TRAF3IP1: variants seen among roughly 807,000 people sequenced by gnomAD.
TRAF3IP1 encodes TRAF3-interacting protein 1.
TRAF3IP1 carries 53 observed loss-of-function variants against 89.9 expected under a neutral mutation model. The observed-to-expected ratio is 0.59, with a 90% CI of 0.47 to 0.74. The LOEUF is 0.74. TRAF3IP1 is among the 30% of genes least tolerant of loss of function. The pLI is 0.00. For synonymous variants in TRAF3IP1, 311 were observed against 322.1 expected (o/e 0.97, Z 0.37); for missense variants, 806 against 866.1 (o/e 0.93, Z 0.87).
chr2:238,348,197 A>T (rs1005255012), intron 10 of TRAF3IP1, among the ~76,000 whole-genome samples: 2 of 152,058 alleles, frequency 1.3e-5, no homozygotes, highest in East Asian at 3.8e-4. Flanking sequence ...AGAAAAATTT[A>T]AAAATGCAAA....
chr2:238,369,793 C>G (rs933666081), intron 15 of TRAF3IP1, among the ~76,000 whole-genome samples: 2 of 152,138 alleles, frequency 1.3e-5, no homozygotes, highest in African/African-American at 4.8e-5. Context: ...TTTGTACAAT[C>G]GAAGTACCCT....
At position 238,320,621 on chromosome 2, in the gene TRAF3IP1, C is replaced by T; in HGVS notation, c.-42C>T. On this transcript the variant is annotated 5_prime_UTR_variant, in exon 1 of 17. Coordinates refer to ENST00000373327, the MANE Select transcript of TRAF3IP1 (RefSeq NM_015650.4). ...GACCCGGGCTTAGGCTCGGCCAGGC[C>T]GGCTGAGGGGCGCGGGCGGCCAGCG... 1.6e-6 allele frequency: 2 copies of T among 1,251,020 alleles called. No individual in the cohort carries two copies. Among genetic ancestry groups the T allele is most frequent in the Non-Finnish European group, 1.0e-6 (1 of 980,614 alleles). 77.5% of individuals were successfully genotyped at this position (1,251,020 alleles called of 1,614,324 possible).
In TRAF3IP1 at chr2:238,393,692, C is replaced by T. The variant is rs998667798; in HGVS notation, c.1690-3767C>T. 1.1e-4 allele frequency among the ~76,000 whole-genome samples: 16 copies of T among 152,146 alleles called. No homozygotes were observed. The East Asian group carries it at 1.5e-3, about 15-fold the overall frequency. On this transcript the variant is annotated intron_variant, in intron 15 of 16. Coordinates refer to ENST00000373327, the MANE Select transcript of TRAF3IP1 (RefSeq NM_015650.4). Reference sequence around the variant, plus strand: ...TGTTTAAGATATGAGATTAGGTCAACGTTTTGTTTGTTTTTTGGCTTATGG... The same window carrying T: ...TGTTTAAGATATGAGATTAGGTCAATGTTTTGTTTGTTTTTTGGCTTATGG...
intron 3 of TRAF3IP1, among the ~76,000 whole-genome samples, chr2:238,326,236 CTG>C (rs999124561): frequency 6.6e-6 from 1 of 152,254 alleles, no homozygotes; most frequent in African/African-American, 2.4e-5. Context: ...TGCAGGCACA[CTG>C]TGCCTGGCTG....
At chr2:238,333,650 C>T (rs749946652) in intron 6 of TRAF3IP1, among the ~76,000 whole-genome samples, 3 of 152,216 alleles carry the variant, frequency 2.0e-5, no homozygotes, top group Admixed American at 6.5e-5. Context: ...TATATAGCAA[C>T]AGAAGTGGAG....
At chr2:238,352,711 C>A (rs1699227376) in intron 12 of TRAF3IP1, 116 bp from the exon 13 acceptor site, 3 of 1,034,724 alleles carry the variant, frequency 2.9e-6, no homozygotes, top group Non-Finnish European at 4.2e-6. Flanking sequence ...AGATGCTGTT[C>A]TAGCTAGAGA....
At position 238,325,743 on chromosome 2, in the gene TRAF3IP1, A is replaced by C. The variant is rs533269642; in HGVS notation, c.193-66A>C. ...AGAAACTATCCTATGCCTGGTAAAC[A>C]TACAGAAGATAATGCACACTCTTCA... On this transcript the variant is annotated intron_variant, in intron 2 of 16. Transcript: ENST00000373327. 3,876 of 1,471,052 alleles carry C rather than the reference A, an allele frequency of 2.6e-3. 5 individuals are homozygous for C. Among genetic ancestry groups the C allele is most frequent in the Non-Finnish European group, 3.2e-3 (3,462 of 1,072,172 alleles). 91.1% of individuals were successfully genotyped at this position (1,471,052 alleles called of 1,614,324 possible).
intron 14 of TRAF3IP1, among the ~76,000 whole-genome samples, chr2:238,355,472 T>C (rs1196443444): frequency 6.6e-6 from 1 of 152,298 alleles, no homozygotes; most frequent in African/African-American, 2.4e-5. Context: ...ACCATCCTCA[T>C]TTCCTTCATA....
intron 5 of TRAF3IP1, among the ~76,000 whole-genome samples, chr2:238,331,434 G>T (rs1019573775): frequency 1.3e-5 from 2 of 152,086 alleles, no homozygotes; most frequent in African/African-American, 4.8e-5. Context: ...CTGACATCAC[G>T]CCACTGCACT....
chr2:238,383,819 TTC>T (rs138036486), intron 15 of TRAF3IP1, among the ~76,000 whole-genome samples: 267 of 152,328 alleles, frequency 1.8e-3, no homozygotes, highest in African/African-American at 6.2e-3. Flanking sequence ...CTAGTTGCAT[TTC>T]TCTTTTTGTG....
At chr2:238,321,127 G>GTCC (rs769305180) in intron 1 of TRAF3IP1, among the ~76,000 whole-genome samples, 34 of 152,208 alleles carry the variant, frequency 2.2e-4, no homozygotes, top group Non-Finnish European at 4.3e-4. Flanking sequence ...CCGTGAGGAG[G>GTCC]TCCTGCCCCT....
At position 238,329,326 on chromosome 2, in the gene TRAF3IP1, A is replaced by G; in HGVS notation, c.899A>G (p.Asp300Gly). 5 of 1,368,510 alleles carry G rather than the reference A, an allele frequency of 3.7e-6. No individual in the cohort carries two copies. The highest frequency in any genetic ancestry group is 4.8e-6 in the Non-Finnish European group (5 of 1,052,530). The allele number at this position is 1,368,510 out of a possible 1,614,324, so 84.8% of individuals were successfully genotyped here. A position where few individuals can be genotyped will look rare whatever the true frequency, so the allele number is the denominator to read the frequency against. Residue 300 changes from aspartate (D) to glycine (G), a missense_variant, in exon 5 of 17, where the codon GAC becomes GGC. Physicochemically the swap from Asp to Gly is moderately conservative, Grantham distance 94. Around this residue, in one of 3 missense-constraint regions of TRAF3IP1, gnomAD observed 732 missense variants for 780.5 expected, o/e 0.94. Coordinates refer to ENST00000373327, the MANE Select transcript of TRAF3IP1 (RefSeq NM_015650.4). ...DLDREKNREH[D>G]KPEKKSASSG... is the part of the protein sequence containing the mutation. ...GACAGGGAGAAGAACAGAGAGCATG[A>G]CAAACCTGAGAAAAAGGTAAAGTCT... is the stretch of plus-strand genomic sequence containing the variant.
rs1410797939 is a variant in TRAF3IP1 at position 238,340,842 on chromosome 2, T to TAGAG, written c.1159+2386_1159+2387insGAGA. ...GTGTGTGTGTGTGTGTGTATATATA[T>TAGAG]ATATAGAGAGAGAGAGACAGAGAGA... On this transcript the variant is annotated intron_variant, in intron 8 of 16. Coordinates refer to ENST00000373327, the MANE Select transcript of TRAF3IP1 (RefSeq NM_015650.4). 1.1e-4 allele frequency among the ~76,000 whole-genome samples: 10 copies of TAGAG among 92,790 alleles called. No homozygotes were observed. In the South Asian group the frequency reaches 1.6e-3, roughly 15 times the overall value. 60.9% of individuals were successfully genotyped at this position (92,790 alleles called of 152,430 possible).
intron 15 of TRAF3IP1, among the ~76,000 whole-genome samples, chr2:238,361,974 G>C (rs1360228141): frequency 6.6e-6 from 1 of 152,160 alleles, no homozygotes; most frequent in African/African-American, 2.4e-5. Flanking sequence ...GAGGCCGCTG[G>C]CTCTCCACCT....
chr2:238,342,694 T>C (rs1217451309), intron 8 of TRAF3IP1, among the ~76,000 whole-genome samples: 1 of 152,246 alleles, frequency 6.6e-6, no homozygotes. Flanking sequence ...TTTTAGATTT[T>C]TTTTTGTTAA....
intron 9 of TRAF3IP1, 53 bp downstream of exon 9, chr2:238,344,651 A>G (rs1237985323): frequency 6.6e-7 from 1 of 1,511,774 alleles, no homozygotes; most frequent in Admixed American, 1.7e-5. Flanking sequence ...TGAGCCCTCC[A>G]GAACCTTCTT....
intron 15 of TRAF3IP1, among the ~76,000 whole-genome samples, chr2:238,378,687 A>G (rs1299482198): frequency 6.6e-6 from 1 of 151,964 alleles, no homozygotes; most frequent in East Asian, 1.9e-4. Flanking sequence ...TTAATTTGGG[A>G]CCCTGCGTTT....
In TRAF3IP1 at chr2:238,351,720, C is replaced by G. The variant is rs994146450; in HGVS notation, c.1452-1107C>G. 1.3e-5 allele frequency among the ~76,000 whole-genome samples: 2 copies of G among 152,074 alleles called. No homozygotes were observed. The highest frequency in any genetic ancestry group is 4.8e-5 in the African/African-American group (2 of 41,398). The stretch of plus-strand genomic sequence containing the variant: ...GTGGTTGTTGAGTGTCTCAAGGACC[C>G]AGTTGAGGAAGTCGAGGATGTTTGG... On this transcript the variant is annotated intron_variant, in intron 12 of 16. Coordinates refer to ENST00000373327, the MANE Select transcript of TRAF3IP1 (RefSeq NM_015650.4). The surrounding 1 kb of genome is among the most constrained non-coding windows in gnomAD (Gnocchi z 5.2).
chr2:238,333,949 T>C lies in TRAF3IP1; in HGVS notation c.988-11T>C. 6.3e-7 allele frequency: 1 copy of C among 1,597,022 alleles called. No individual in the cohort carries two copies. The highest frequency in any genetic ancestry group is 8.5e-7 in the Non-Finnish European group (1 of 1,170,604). ...CATCAATTAATTTCTTTTCATTCTTTTTTCTTTAAGACTGAGATTTCCACT... is the reference window on the plus strand; with the variant it reads ...CATCAATTAATTTCTTTTCATTCTTCTTTCTTTAAGACTGAGATTTCCACT... On this transcript the variant is annotated splice_polypyrimidine_tract_variant and intron_variant, in intron 6 of 16. Transcript: ENST00000373327.
Sources: allele counts gnomAD v4.1 joint callset (sites outside exome capture counted in the v4.1 genomes callset), GRCh38; gene constraint gnomAD v4.1.1; regional missense constraint gnomAD v4.1.1; non-coding constraint Gnocchi (gnomAD v3.1); transcripts MANE v1.5; gene names NCBI Gene and HGNC (gene_info 2026-07-23, HGNC 2026-07-21).